KCNMA1: variants seen among roughly 807,000 people sequenced by gnomAD.
KCNMA1 encodes Calcium-activated potassium channel subunit alpha-1.
A neutral mutation model predicts 140.0 loss-of-function variants in KCNMA1; 29 were observed. The ratio of observed to expected loss-of-function variants is 0.21; its 90% CI spans 0.15 to 0.28. The LOEUF (loss-of-function observed/expected upper bound fraction) is 0.28, where lower values mean the gene tolerates loss of function less well. Ranked by LOEUF, KCNMA1 falls within the 10% of genes least tolerant of loss-of-function variation. KCNMA1 has a pLI of 1.00. For synonymous variants in KCNMA1, 612 were observed against 611.9 expected (o/e 1.00, Z 0.00); for missense variants, 880 against 1,602.2 (o/e 0.55, Z 7.70).
chr10:77,418,247 C>T (rs955252740), intron 1 of KCNMA1, among the ~76,000 whole-genome samples: 1 of 152,176 alleles, frequency 6.6e-6, no homozygotes, highest in African/African-American at 2.4e-5. Context: ...GGATGGCAAG[C>T]GCCTGGCCCT....
In KCNMA1 at chr10:77,238,241, A is replaced by G. The variant is rs149576766; in HGVS notation, c.602+12954T>C. 4.1e-3 allele frequency among the ~76,000 whole-genome samples: 626 copies of G among 152,282 alleles called. 3 individuals are homozygous for G. Among genetic ancestry groups the G allele is most frequent in the Admixed American group, 9.7e-3 (149 of 15,300 alleles). ...TCTTCCTCTCCAATGGAGGGTGAGA[A>G]ATACGGCCTTGTACAGAAGTGGCAG... On this transcript the variant is annotated intron_variant, in intron 3 of 27. Transcript: ENST00000286628.
At chr10:77,554,904 G>C (rs1003976257) in intron 1 of KCNMA1, among the ~76,000 whole-genome samples, 18 of 152,302 alleles carry the variant, frequency 1.2e-4, no homozygotes, top group African/African-American at 4.1e-4. Flanking sequence ...GGCAGGTGAA[G>C]GGGATAGCCA....
chr10:77,376,143 T>C (rs550112799), intron 2 of KCNMA1, among the ~76,000 whole-genome samples: 1 of 152,216 alleles, frequency 6.6e-6, no homozygotes, highest in African/African-American at 2.4e-5. Context: ...GCTGCTGGCA[T>C]GGCCAAGAGA....
At chr10:77,060,699 T>C (rs1012587257) in intron 14 of KCNMA1, among the ~76,000 whole-genome samples, 4 of 152,196 alleles carry the variant, frequency 2.6e-5, no homozygotes, top group African/African-American at 9.7e-5. Context: ...GGGATGAATG[T>C]AGATTTTTGC....
At chr10:77,088,026 G>A (rs1235206180) in intron 10 of KCNMA1, among the ~76,000 whole-genome samples, 1 of 151,990 alleles carries the variant, frequency 6.6e-6, no homozygotes, top group Non-Finnish European at 1.5e-5. Flanking sequence ...CAGTGCAGTG[G>A]CAGGATCTCT....
At chr10:77,554,703 AG>A (rs1217956887) in intron 1 of KCNMA1, among the ~76,000 whole-genome samples, 1 of 152,196 alleles carries the variant, frequency 6.6e-6, no homozygotes, top group Non-Finnish European at 1.5e-5. Flanking sequence ...AGAGTCCAAA[AG>A]AAACTTTGCC....
intron 17 of KCNMA1, chr10:77,012,600 T>C: frequency 6.8e-7 from 1 of 1,470,354 alleles, no homozygotes; most frequent in Non-Finnish European, 9.3e-7. Flanking sequence ...AGTGGGTTCC[T>C]CTGTCAAACC....
chr10:77,194,945 C>T (rs1180262319), intron 3 of KCNMA1, among the ~76,000 whole-genome samples: 1 of 152,164 alleles, frequency 6.6e-6, no homozygotes, highest in East Asian at 1.9e-4. Context: ...CACAAGGACA[C>T]CAGCTTGTTT....
chr10:77,444,948 G>A (rs530133793), intron 1 of KCNMA1, among the ~76,000 whole-genome samples: 5 of 152,276 alleles, frequency 3.3e-5, no homozygotes, highest in African/African-American at 1.2e-4. Context: ...CCCAGACAGA[G>A]GCAGGACATA....
intron 19 of KCNMA1, among the ~76,000 whole-genome samples, chr10:76,985,285 T>C (rs1023871971): frequency 1.1e-4 from 16 of 152,254 alleles, no homozygotes; most frequent in Non-Finnish European, 1.9e-4. Context: ...AAGGGATAGC[T>C]CTTTTTGCTC....
intron 25 of KCNMA1, chr10:76,902,637 C>T (rs2045987877): frequency 6.6e-6 from 1 of 152,164 alleles, no homozygotes; most frequent in South Asian, 2.1e-4. Flanking sequence ...CTAGCGAAGC[C>T]CTTCTTCTGA....
chr10:77,030,301 T>C lies in KCNMA1; in HGVS notation c.1860-2410A>G, dbSNP rs139300883. 1.3e-3 allele frequency among the ~76,000 whole-genome samples: 197 copies of C among 152,374 alleles called. 2 individuals are homozygous for C. Among genetic ancestry groups the C allele is most frequent in the African/African-American group, 4.6e-3 (192 of 41,594 alleles). On this transcript the variant is annotated intron_variant, in intron 15 of 27. Transcript: ENST00000286628. ...GCTGGAAAATGCCATCCTTAATTTA[T>C]GTCCCAAAGAGCACTGCTAACATGC...
intron 21 of KCNMA1, among the ~76,000 whole-genome samples, chr10:76,953,372 A>C (rs1329611957): frequency 6.6e-6 from 1 of 152,236 alleles, no homozygotes; most frequent in Non-Finnish European, 1.5e-5. Flanking sequence ...GTTGGATTTT[A>C]ATCTTCACTA....
intron 20 of KCNMA1, among the ~76,000 whole-genome samples, chr10:76,957,318 T>C (rs2068792234): frequency 6.6e-6 from 1 of 151,888 alleles, no homozygotes; most frequent in Non-Finnish European, 1.5e-5. Context: ...CCATACCACC[T>C]AACCTAAGGT....
At chr10:77,135,801 G>A (rs2098005011) in intron 5 of KCNMA1, among the ~76,000 whole-genome samples, 1 of 152,144 alleles carries the variant, frequency 6.6e-6, no homozygotes, top group Non-Finnish European at 1.5e-5. Flanking sequence ...AGAGGGGCTG[G>A]GGCGGTTGGA....
At chr10:77,476,787 G>A (rs1034346356) in intron 1 of KCNMA1, among the ~76,000 whole-genome samples, 2 of 152,178 alleles carry the variant, frequency 1.3e-5, no homozygotes, top group Non-Finnish European at 2.9e-5. Flanking sequence ...AAAAGAGGTC[G>A]GGGCACCTCC....
intron 13 of KCNMA1, among the ~76,000 whole-genome samples, chr10:77,073,470 G>C (rs1275010276): frequency 6.6e-6 from 1 of 152,078 alleles, no homozygotes; most frequent in Admixed American, 6.5e-5. Context: ...CCAAGCCCAA[G>C]TCCTCCCCTG....
intron 14 of KCNMA1, among the ~76,000 whole-genome samples, chr10:77,055,169 T>C (rs1490123856): frequency 6.6e-6 from 1 of 152,182 alleles, no homozygotes; most frequent in Non-Finnish European, 1.5e-5. Flanking sequence ...TCCCACTGAA[T>C]GATGTTCTAA....
chr10:77,154,071 T>A (rs1353426867), intron 5 of KCNMA1, among the ~76,000 whole-genome samples: 1 of 152,094 alleles, frequency 6.6e-6, no homozygotes, highest in African/African-American at 2.4e-5. Context: ...ACGGGGGCGG[T>A]TTCCCTCATG....
Sources: allele counts gnomAD v4.1 joint callset (sites outside exome capture counted in the v4.1 genomes callset), GRCh38; gene constraint gnomAD v4.1.1; transcripts MANE v1.5; gene names NCBI Gene and HGNC (gene_info 2026-07-23, HGNC 2026-07-21).